KCTD8: variants seen among roughly 807,000 people sequenced by gnomAD.
KCTD8 encodes BTB/POZ domain-containing protein KCTD8.
A neutral mutation model predicts 31.5 loss-of-function variants in KCTD8; 27 were observed. The ratio of observed to expected loss-of-function variants is 0.86; its 90% CI spans 0.63 to 1.18. The LOEUF is 1.18. Ranked by LOEUF, KCTD8 falls within the 50% of genes most tolerant of loss-of-function variation. The pLI is 0.00. For missense variants in KCTD8, 658 were observed against 647.7 expected, an observed-to-expected ratio of 1.02 and a Z score of -0.17; for synonymous variants, 290 against 280.0, an observed-to-expected ratio of 1.04 and a Z score of -0.36.
Position 44,337,322 on chromosome 4 carries a change from G to A in KCTD8, c.961+110241C>T, listed in dbSNP as rs112436663. On this transcript the variant is annotated intron_variant, in intron 1 of 1. Coordinates refer to ENST00000360029, the MANE Select transcript of KCTD8 (RefSeq NM_198353.3). Reference sequence around the variant, plus strand: ...AAAATTATTTCAATTAAAAAATTACGTTATTTTAAAAGTAAAAACTATAAC... The same window carrying A: ...AAAATTATTTCAATTAAAAAATTACATTATTTTAAAAGTAAAAACTATAAC... 7.9e-3 allele frequency among the ~76,000 whole-genome samples: 1,197 copies of A among 152,112 alleles called. 15 individuals carry two copies. The highest frequency in any genetic ancestry group is 0.027 in the African/African-American group (1,115 of 41,494).
intron 1 of KCTD8, among the ~76,000 whole-genome samples, chr4:44,307,953 A>G (rs1717850255): frequency 1.3e-5 from 2 of 151,988 alleles, no homozygotes; most frequent in Admixed American, 6.6e-5. Flanking sequence ...AAAAAGACTG[A>G]TATCACCTCT....
chr4:44,402,381 A>G (rs570398866), intron 1 of KCTD8, among the ~76,000 whole-genome samples: 1 of 152,316 alleles, frequency 6.6e-6, no homozygotes, highest in Non-Finnish European at 1.5e-5. Flanking sequence ...TTCTTAATAT[A>G]ATATCAATAT....
intron 1 of KCTD8, among the ~76,000 whole-genome samples, chr4:44,303,038 T>C (rs1717677375): frequency 6.6e-6 from 1 of 152,224 alleles, no homozygotes; most frequent in African/African-American, 2.4e-5. Flanking sequence ...TTTGTGCATA[T>C]TGAACCAGCC....
At chr4:44,186,151 A>T (rs1236555171) in intron 1 of KCTD8, among the ~76,000 whole-genome samples, 1 of 152,184 alleles carries the variant, frequency 6.6e-6, no homozygotes, top group Non-Finnish European at 1.5e-5. Flanking sequence ...CGAGAAGAAC[A>T]CACTGGCAGA....
chr4:44,246,524 C>T (rs866174244), intron 1 of KCTD8, among the ~76,000 whole-genome samples: 41 of 152,076 alleles, frequency 2.7e-4, no homozygotes, highest in African/African-American at 9.4e-4. Context: ...AGACTTCTTT[C>T]GGAGGAAGTA....
intron 1 of KCTD8, among the ~76,000 whole-genome samples, chr4:44,269,247 C>A (rs1217292260): frequency 6.6e-6 from 1 of 152,148 alleles, no homozygotes; most frequent in Admixed American, 6.5e-5. Flanking sequence ...ATATCTACAA[C>A]TATCTGATAT....
chr4:44,349,065 GCCACCGCCACCA>G (rs1344372506), intron 1 of KCTD8, among the ~76,000 whole-genome samples: 2 of 107,828 alleles, frequency 1.9e-5, no homozygotes, highest in Non-Finnish European at 4.3e-5. Flanking sequence ...CACCATCGCT[GCCACCGCCACCA>G]CCACCACCAC....
chr4:44,251,322 T>A (rs922991589), intron 1 of KCTD8, among the ~76,000 whole-genome samples: 5 of 151,798 alleles, frequency 3.3e-5, no homozygotes, highest in Non-Finnish European at 5.9e-5. Flanking sequence ...CAGCTTCTCA[T>A]GTAACTTTCA....
Position 44,448,176 on chromosome 4 carries a change from C to T in KCTD8, c.348G>A (p.Lys116=), listed in dbSNP as rs763154094. 12 of 1,612,318 alleles carry T rather than the reference C, an allele frequency of 7.4e-6. No individual in the cohort carries two copies. The highest frequency in any genetic ancestry group is 1.7e-6 in the Non-Finnish European group (2 of 1,179,728). The stretch of plus-strand genomic sequence containing the variant: ...GGAAGTGCTCCGGCAGCGCGAGTTG[C>T]TTGTCCCGCAGATAATCCAGCACGT... ...FRYVLDYLRD[K]QLALPEHFPE... Residue 116 remains lysine, a synonymous_variant, in exon 1 of 2, where the codon AAG becomes AAA. Coordinates refer to ENST00000360029, the MANE Select transcript of KCTD8 (RefSeq NM_198353.3). The surrounding 1 kb of genome is among the most constrained non-coding windows in gnomAD (Gnocchi z 4.1).
At chr4:44,407,987 C>G (rs1299293732) in intron 1 of KCTD8, among the ~76,000 whole-genome samples, 1 of 152,132 alleles carries the variant, frequency 6.6e-6, no homozygotes, top group Admixed American at 6.6e-5. Flanking sequence ...TCTTCCAGAG[C>G]TTACTAAGAT....
chr4:44,185,108 T>C (rs1166209639), intron 1 of KCTD8, among the ~76,000 whole-genome samples: 1 of 152,164 alleles, frequency 6.6e-6, no homozygotes. Flanking sequence ...CAAAAATAAT[T>C]TTATTGCCTT....
intron 1 of KCTD8, among the ~76,000 whole-genome samples, chr4:44,418,971 A>C (rs1173114128): frequency 6.6e-6 from 1 of 152,204 alleles, no homozygotes; most frequent in Non-Finnish European, 1.5e-5. Context: ...ATAAAACTCA[A>C]ATTATTTTAC....
intron 1 of KCTD8, among the ~76,000 whole-genome samples, chr4:44,252,387 T>C (rs1007821077): frequency 2.0e-4 from 31 of 151,830 alleles, no homozygotes; most frequent in African/African-American, 6.5e-4. Flanking sequence ...AGTAGTGGGA[T>C]TGCTGGATCA....
intron 1 of KCTD8, among the ~76,000 whole-genome samples, chr4:44,341,066 C>T (rs1718884937): frequency 6.6e-6 from 1 of 152,010 alleles, no homozygotes; most frequent in Admixed American, 6.6e-5. Flanking sequence ...GGTTTGAGAC[C>T]ATAGCAATAA....
At chr4:44,317,292 T>A in intron 1 of KCTD8, among the ~76,000 whole-genome samples, 1 of 109,426 alleles carries the variant, frequency 9.1e-6, no homozygotes, top group South Asian at 3.5e-4. Context: ...GACTGCGGAC[T>A]GCAGTGGCGC....
At chr4:44,269,339 G>T (rs1427685429) in intron 1 of KCTD8, among the ~76,000 whole-genome samples, 2 of 151,946 alleles carry the variant, frequency 1.3e-5, no homozygotes, top group Admixed American at 6.6e-5. Flanking sequence ...CTAGCCATAC[G>T]TAGAAAGCTG....
chr4:44,319,029 T>C (rs1718217705), intron 1 of KCTD8, among the ~76,000 whole-genome samples: 1 of 152,176 alleles, frequency 6.6e-6, no homozygotes, highest in East Asian at 1.9e-4. Context: ...AATCTAGAAA[T>C]TGATGGCAGG....
intron 1 of KCTD8, among the ~76,000 whole-genome samples, chr4:44,375,957 A>T (rs956415912): frequency 6.6e-6 from 1 of 151,918 alleles, no homozygotes; most frequent in Non-Finnish European, 1.5e-5. Flanking sequence ...TCTACTCCTT[A>T]CTCATTCATT....
intron 1 of KCTD8, among the ~76,000 whole-genome samples, chr4:44,391,446 G>T (rs1029750810): frequency 6.6e-6 from 1 of 151,582 alleles, no homozygotes; most frequent in Admixed American, 6.6e-5. Flanking sequence ...CTCCTCTTCC[G>T]CAGCCTACTC....
Sources: allele counts gnomAD v4.1 joint callset (sites outside exome capture counted in the v4.1 genomes callset), GRCh38; gene constraint gnomAD v4.1.1; non-coding constraint Gnocchi (gnomAD v3.1); transcripts MANE v1.5; gene names NCBI Gene and HGNC (gene_info 2026-07-23, HGNC 2026-07-21).